NXPE2: variants seen among roughly 807,000 people sequenced by gnomAD.
The protein encoded by NXPE2 is NXPE family member 2.
In NXPE2, 34 loss-of-function variants were observed where a neutral mutation model predicts 34.4. The observed-to-expected ratio is 0.99, with a 90% CI of 0.75 to 1.31. The LOEUF (loss-of-function observed/expected upper bound fraction) is 1.31, where lower values mean the gene tolerates loss of function less well. Ranked by LOEUF, NXPE2 falls within the 40% of genes most tolerant of loss-of-function variation. NXPE2 has a pLI of 0.00. For synonymous variants in NXPE2, 235 were observed against 231.3 expected (o/e 1.02, Z -0.15); for missense variants, 649 against 672.5 (o/e 0.97, Z 0.39).
chr11:114,737,951 G>A, the NXPE2 span, among the ~76,000 whole-genome samples: 8 of 152,138 alleles, frequency 5.3e-5, no homozygotes, highest in African/African-American at 1.9e-4. Context: ...GCCGGGCGTG[G>A]TGGTGCTGGC....
chr11:114,804,777 T>C, the NXPE2 span, among the ~76,000 whole-genome samples: 3,285 of 152,208 alleles, frequency 0.022, 124 homozygotes, highest in African/African-American at 0.075. Context: ...GTTGTGTCCT[T>C]GTAGGAAAAT....
the NXPE2 span, among the ~76,000 whole-genome samples, chr11:114,767,707 A>G: frequency 2.6e-5 from 4 of 152,164 alleles, no homozygotes; most frequent in Admixed American, 2.0e-4. Flanking sequence ...AGAACTTAGC[A>G]CAGACTCCAC....
the NXPE2 span, chr11:114,527,924 T>A: frequency 3.8e-6 from 6 of 1,566,266 alleles, no homozygotes; most frequent in Non-Finnish European, 5.2e-6. Flanking sequence ...AATAGAACAA[T>A]AAATTAGCCT....
chr11:114,594,576 A>T, the NXPE2 span: 1 of 819,786 alleles, frequency 1.2e-6, no homozygotes, highest in Non-Finnish European at 2.0e-6. Context: ...TATAATCTAC[A>T]AGTCTTGTAG....
At chr11:114,587,052 C>T in the NXPE2 span, among the ~76,000 whole-genome samples, 1 of 152,120 alleles carries the variant, frequency 6.6e-6, no homozygotes, top group Non-Finnish European at 1.5e-5. Context: ...GGAACGGGAA[C>T]CCTATTCCAT....
chr11:114,544,034 C>T, the NXPE2 span, among the ~76,000 whole-genome samples: 2 of 152,056 alleles, frequency 1.3e-5, no homozygotes, highest in African/African-American at 4.8e-5. Context: ...AAAATATATA[C>T]AGGATCTGTA....
the NXPE2 span, among the ~76,000 whole-genome samples, chr11:114,616,709 C>T: frequency 6.6e-6 from 1 of 151,772 alleles, no homozygotes; most frequent in African/African-American, 2.4e-5. Flanking sequence ...ACCACTGTTA[C>T]CCAGTGTATA....
At chr11:114,789,862 C>T in the NXPE2 span, among the ~76,000 whole-genome samples, 2 of 152,186 alleles carry the variant, frequency 1.3e-5, no homozygotes, top group Admixed American at 6.5e-5. Flanking sequence ...TGGGTCAAGC[C>T]CTCAAAAGCA....
chr11:114,596,722 TG>T, the NXPE2 span, among the ~76,000 whole-genome samples: 1 of 152,204 alleles, frequency 6.6e-6, no homozygotes, highest in African/African-American at 2.4e-5. Context: ...GCAGTGGGTT[TG>T]GTTTGGCTGT....
chr11:114,598,273 G>A, the NXPE2 span, among the ~76,000 whole-genome samples: 5 of 24,574 alleles, frequency 2.0e-4, no homozygotes, highest in Non-Finnish European at 3.4e-4. Flanking sequence ...GACCTGGGCA[G>A]CTCTGCCCCT....
the NXPE2 span, among the ~76,000 whole-genome samples, chr11:114,663,433 A>C: frequency 6.6e-6 from 1 of 152,056 alleles, no homozygotes; most frequent in Non-Finnish European, 1.5e-5. Flanking sequence ...ATGTAAAATA[A>C]AATGGGGGTT....
the NXPE2 span, among the ~76,000 whole-genome samples, chr11:114,475,560 T>G: frequency 6.6e-6 from 1 of 152,118 alleles, no homozygotes; most frequent in Non-Finnish European, 1.5e-5. Context: ...TTTGCTGGCA[T>G]CAGTTCCTCT....
At chr11:114,605,415 A>G in the NXPE2 span, among the ~76,000 whole-genome samples, 56 of 152,056 alleles carry the variant, frequency 3.7e-4, no homozygotes, top group African/African-American at 1.3e-3. Flanking sequence ...GTGGATAATA[A>G]GTATTGCCTC....
the NXPE2 span, among the ~76,000 whole-genome samples, chr11:114,475,338 G>T: frequency 7.0e-6 from 1 of 143,318 alleles, no homozygotes; most frequent in East Asian, 2.2e-4. Context: ...CCGCCTCCCG[G>T]GTTCAAGTGA....
chr11:114,769,563 A>G, the NXPE2 span, among the ~76,000 whole-genome samples: 1 of 152,206 alleles, frequency 6.6e-6, no homozygotes, highest in Non-Finnish European at 1.5e-5. Context: ...AACCAACCCA[A>G]ATGCCCATCA....
At chr11:114,672,602 A>G in the NXPE2 span, among the ~76,000 whole-genome samples, 1 of 151,924 alleles carries the variant, frequency 6.6e-6, no homozygotes, top group Non-Finnish European at 1.5e-5. Context: ...TTAATGATAC[A>G]AGCAGTTTGA....
the NXPE2 span, among the ~76,000 whole-genome samples, chr11:114,615,319 A>G: frequency 6.6e-6 from 1 of 151,814 alleles, no homozygotes; most frequent in African/African-American, 2.4e-5. Context: ...CTTGTGGGTA[A>G]CCACCATTAC....
the NXPE2 span, among the ~76,000 whole-genome samples, chr11:114,653,146 A>G: frequency 8.5e-5 from 13 of 152,348 alleles, no homozygotes; most frequent in African/African-American, 2.9e-4. Flanking sequence ...GACTTGTTTT[A>G]TAAGTTTCAA....
the NXPE2 span, among the ~76,000 whole-genome samples, chr11:114,465,600 A>G: frequency 0.15 from 22,867 of 152,138 alleles, 1,939 homozygotes; most frequent in South Asian, 0.23. Flanking sequence ...TTTCCTTCAC[A>G]CTAAAAATGT....
Sources: allele counts gnomAD v4.1 joint callset (sites outside exome capture counted in the v4.1 genomes callset), GRCh38; gene constraint gnomAD v4.1.1; transcripts MANE v1.5; gene names NCBI Gene and HGNC (gene_info 2026-07-23, HGNC 2026-07-21).